Variants in DGKB observed in about 807,000 individuals in gnomAD.
The protein encoded by DGKB is 90 kDa diacylglycerol kinase.
DGKB carries 67 observed loss-of-function variants against 114.3 expected under a neutral mutation model. The observed-to-expected ratio is 0.59, with a 90% confidence interval of 0.48 to 0.72. The LOEUF is 0.72. DGKB is among the 30% of genes least tolerant of loss of function. The pLI, the probability that DGKB is intolerant of heterozygous loss-of-function variation, is 0.00. For synonymous variants in DGKB, 398 were observed against 323.1 expected, an observed-to-expected ratio of 1.23 and a Z score of -2.49; for missense variants, 907 against 975.2, an observed-to-expected ratio of 0.93 and a Z score of 0.93.
intron 21 of DGKB, among the ~76,000 whole-genome samples, chr7:14,358,543 A>G (rs779226056): frequency 1.2e-4 from 19 of 152,168 alleles, no homozygotes; most frequent in Non-Finnish European, 2.6e-4. Context: ...ATGATTGTAT[A>G]TTTAGAAAAC....
At chr7:14,228,571 C>T (rs921012549) in intron 23 of DGKB, among the ~76,000 whole-genome samples, 2 of 151,918 alleles carry the variant, frequency 1.3e-5, no homozygotes, top group South Asian at 2.1e-4. Flanking sequence ...CACAGTACAG[C>T]GCTACACTGG....
chr7:14,861,048 T>A (rs137865582), intron 1 of DGKB, among the ~76,000 whole-genome samples: 14 of 152,082 alleles, frequency 9.2e-5, no homozygotes, highest in African/African-American at 2.9e-4. Context: ...TAGGGAGAAT[T>A]CAGACTCAGA....
At chr7:14,599,617 A>G (rs765370669) in intron 17 of DGKB, among the ~76,000 whole-genome samples, 9 of 152,126 alleles carry the variant, frequency 5.9e-5, no homozygotes, top group Non-Finnish European at 1.2e-4. Context: ...CCCTGCTAAT[A>G]TATGTATATT....
At chr7:14,520,210 A>ATTTTTT (rs386409562) in intron 20 of DGKB, among the ~76,000 whole-genome samples, 2,226 of 119,022 alleles carry the variant, frequency 0.019, 64 homozygotes, top group African/African-American at 0.034. Flanking sequence ...CTTTTTTCCT[A>ATTTTTT]TTTTTTTTTT....
rs28567629 is a variant in DGKB at position 14,508,824 on chromosome 7, T to C, written c.1771-30599A>G. ...TCTCTTGACCCCAGATCTAGTGTTT[T>C]TGTTACTATACTATCATTCTGACGT... On this transcript the variant is annotated intron_variant, in intron 20 of 25. Coordinates refer to ENST00000402815, the MANE Select transcript of DGKB (RefSeq NM_001350709.2). 3.0e-3 allele frequency among the ~76,000 whole-genome samples: 454 copies of C among 152,276 alleles called. 3 individuals carry two copies. Among genetic ancestry groups the C allele is most frequent in the African/African-American group, 9.9e-3 (412 of 41,562 alleles).
At chr7:14,424,227 C>G (rs1201370743) in intron 21 of DGKB, among the ~76,000 whole-genome samples, 1 of 151,970 alleles carries the variant, frequency 6.6e-6, no homozygotes, top group African/African-American at 2.4e-5. Context: ...TTTCTGTCCT[C>G]ATTCTCCCTG....
rs190846446 is a variant in DGKB at position 14,734,774 on chromosome 7, A to G, written c.322+1267T>C. Among the ~76,000 whole-genome samples, 18 of 152,314 alleles carry G rather than the reference A, an allele frequency of 1.2e-4. No homozygotes were observed. In the South Asian group the frequency reaches 3.7e-3, roughly 32 times the overall value. On this transcript the variant is annotated intron_variant, in intron 5 of 25. Transcript: ENST00000402815. The stretch of plus-strand genomic sequence containing the variant: ...CCCATCTTTAATATGGCAAATATCA[A>G]TAGATATCATCCACATAAACATAAG...
chr7:14,472,141 A>T (rs966584586), intron 21 of DGKB, among the ~76,000 whole-genome samples: 2 of 152,204 alleles, frequency 1.3e-5, no homozygotes, highest in Non-Finnish European at 2.9e-5. Context: ...TCATGCTATG[A>T]CTAGATTTTT....
chr7:14,317,891 C>G, intron 23 of DGKB, among the ~76,000 whole-genome samples: 1 of 36,724 alleles, frequency 2.7e-5, no homozygotes, highest in Non-Finnish European at 6.2e-5. Flanking sequence ...AACTATACTA[C>G]AAGGCTACAG....
chr7:14,804,438 T>C (rs185205619), intron 2 of DGKB, among the ~76,000 whole-genome samples: 1 of 152,226 alleles, frequency 6.6e-6, no homozygotes, highest in East Asian at 1.9e-4. Context: ...TAAATACCTA[T>C]GTACGTATGT....
At chr7:14,823,672 A>C (rs1845263391) in intron 2 of DGKB, among the ~76,000 whole-genome samples, 1 of 152,196 alleles carries the variant, frequency 6.6e-6, no homozygotes, top group Admixed American at 6.6e-5. Flanking sequence ...ACAGCAATTA[A>C]AAAACACAGC....
intron 21 of DGKB, among the ~76,000 whole-genome samples, chr7:14,358,732 A>G (rs112830007): frequency 1.3e-5 from 2 of 152,178 alleles, no homozygotes; most frequent in East Asian, 3.9e-4. Context: ...ATGCCTAGGA[A>G]TCCAACTTAC....
chr7:14,696,908 G>A (rs1824033301), intron 8 of DGKB, among the ~76,000 whole-genome samples: 1 of 152,162 alleles, frequency 6.6e-6, no homozygotes, highest in African/African-American at 2.4e-5. Flanking sequence ...ATATACTCAT[G>A]CCATTATCCT....
At position 14,556,202 on chromosome 7, in the gene DGKB, TG is replaced by T. The variant is rs916277463; in HGVS notation, c.1770+18009del. 6.6e-5 allele frequency among the ~76,000 whole-genome samples: 10 copies of T among 152,178 alleles called. 1 individual carries two copies. Among genetic ancestry groups the T allele is most frequent in the Non-Finnish European group, 1.5e-5 (1 of 68,020 alleles). On this transcript the variant is annotated intron_variant, in intron 20 of 25. Transcript: ENST00000402815. The stretch of plus-strand genomic sequence containing the variant: ...TTTAGATTTCCTCATATATGCTGAG[TG>T]GTTTTTTAACTAAATGTAAACCTTG...
intron 21 of DGKB, among the ~76,000 whole-genome samples, chr7:14,473,343 G>A (rs1050284661): frequency 1.3e-5 from 2 of 152,190 alleles, no homozygotes; most frequent in African/African-American, 4.8e-5. Flanking sequence ...ACATGGTGTT[G>A]AGCCTGAGAG....
At chr7:14,931,080 T>C (rs1296863124) in intron 1 of DGKB, among the ~76,000 whole-genome samples, 2 of 152,000 alleles carry the variant, frequency 1.3e-5, no homozygotes, top group Non-Finnish European at 2.9e-5. Context: ...TGTATTAACG[T>C]TTTGATGTGC....
intron 23 of DGKB, among the ~76,000 whole-genome samples, chr7:14,185,709 A>G (rs1783314152): frequency 1.3e-5 from 2 of 152,240 alleles, no homozygotes; most frequent in South Asian, 2.1e-4. Flanking sequence ...CCAGAAATAA[A>G]CCCAAATACT....
intron 23 of DGKB, among the ~76,000 whole-genome samples, chr7:14,181,098 A>C (rs1331854486): frequency 6.6e-6 from 1 of 152,180 alleles, no homozygotes; most frequent in Non-Finnish European, 1.5e-5. Context: ...AAATTATATA[A>C]AATTCAAATT....
chr7:14,878,755 C>CAAAAAAAAA (rs5882472), intron 1 of DGKB, among the ~76,000 whole-genome samples: 6 of 113,264 alleles, frequency 5.3e-5, no homozygotes, highest in Non-Finnish European at 7.0e-5. Flanking sequence ...TCTCAAAAAA[C>CAAAAAAAAA]AAAAAAAAAA....
Sources: allele counts gnomAD v4.1 joint callset (sites outside exome capture counted in the v4.1 genomes callset), GRCh38; gene constraint gnomAD v4.1.1; transcripts MANE v1.5; gene names NCBI Gene and HGNC (gene_info 2026-07-23, HGNC 2026-07-21).